The following CCDC7 variants were observed in gnomAD, a reference collection of about 807,000 sequenced individuals.
The protein encoded by CCDC7 is coiled-coil domain containing 7.
Under a neutral mutation model 196.9 loss-of-function variants are expected in CCDC7, and 183 were observed. That is an observed-to-expected ratio of 0.93 (90% CI 0.82 to 1.05). The LOEUF (loss-of-function observed/expected upper bound fraction) is 1.05. Ranked by LOEUF, CCDC7 falls within the 50% of genes least tolerant of loss-of-function variation. The pLI is 0.00. For synonymous variants in CCDC7, 525 were observed against 484.6 expected (o/e 1.08, Z -1.10); for missense variants, 1,540 against 1,482.2 (o/e 1.04, Z -0.64).
At chr10:32,753,957 G>A (rs974719257) in intron 28 of CCDC7, among the ~76,000 whole-genome samples, 21 of 151,614 alleles carry the variant, frequency 1.4e-4, no homozygotes, top group African/African-American at 4.6e-4. Flanking sequence ...TTTTTTTAAC[G>A]TGTTGGAGAA....
chr10:32,802,839 G>A (rs2085077323), intron 29 of CCDC7, among the ~76,000 whole-genome samples: 1 of 152,192 alleles, frequency 6.6e-6, no homozygotes, highest in Non-Finnish European at 1.5e-5. Context: ...TGTAGGCTAG[G>A]AGACTAAGCC....
intron 18 of CCDC7, among the ~76,000 whole-genome samples, chr10:32,593,087 T>C (rs1564761881): frequency 6.6e-6 from 1 of 152,232 alleles, no homozygotes; most frequent in Non-Finnish European, 1.5e-5. Flanking sequence ...CTGGATCAAA[T>C]GGTATTTCTA....
chr10:32,478,546 A>G (rs915411306), intron 8 of CCDC7, among the ~76,000 whole-genome samples: 2 of 152,088 alleles, frequency 1.3e-5, no homozygotes, highest in Non-Finnish European at 2.9e-5. Context: ...TTTGTCAAAT[A>G]CGTTTTCTGC....
intron 8 of CCDC7, among the ~76,000 whole-genome samples, chr10:32,487,693 T>C (rs2041405048): frequency 6.6e-6 from 1 of 152,246 alleles, no homozygotes; most frequent in South Asian, 2.1e-4. Flanking sequence ...TTGTTAATTT[T>C]CCTTCCAACA....
chr10:32,816,019 G>A (rs1048795329), intron 31 of CCDC7, among the ~76,000 whole-genome samples: 1 of 152,206 alleles, frequency 6.6e-6, no homozygotes, highest in African/African-American at 2.4e-5. Flanking sequence ...CACCAAGTGT[G>A]AGCTGAAGCA....
intron 15 of CCDC7, among the ~76,000 whole-genome samples, chr10:32,570,471 T>G (rs1590026648): frequency 6.6e-6 from 1 of 152,334 alleles, no homozygotes; most frequent in East Asian, 1.9e-4. Context: ...AGACACAAAA[T>G]GTATGATGGC....
chr10:32,734,360 A>T (rs1411610918), intron 28 of CCDC7, among the ~76,000 whole-genome samples: 1 of 152,204 alleles, frequency 6.6e-6, no homozygotes. Context: ...CAAATACTGC[A>T]TGTTCTCACT....
chr10:32,686,269 C>T (rs935485163), intron 22 of CCDC7, among the ~76,000 whole-genome samples, 189 bp downstream of exon 23: 7 of 152,132 alleles, frequency 4.6e-5, no homozygotes, highest in African/African-American at 7.2e-5. Flanking sequence ...CTTGTTGTAA[C>T]GGTATTTTGT....
At chr10:32,634,316 C>A in exon 19 of CCDC7, 1 of 1,212,228 alleles carries the variant, frequency 8.2e-7, no homozygotes, top group Non-Finnish European at 1.0e-6. Flanking sequence ...AACAAAAGTC[C>A]AAATAGAACA....
chr10:32,660,642 G>A (rs1247006440), intron 20 of CCDC7, among the ~76,000 whole-genome samples: 1 of 151,722 alleles, frequency 6.6e-6, no homozygotes, highest in East Asian at 1.9e-4. Flanking sequence ...TATATACCCA[G>A]TAATGGGATG....
chr10:32,836,662 T>A (rs2092627265), intron 33 of CCDC7, among the ~76,000 whole-genome samples: 1 of 152,198 alleles, frequency 6.6e-6, no homozygotes, highest in Non-Finnish European at 1.5e-5. Flanking sequence ...CATGTGTCTT[T>A]TGGCTGCATA....
chr10:32,472,508 G>T, exon 7 of CCDC7: 1 of 1,588,610 alleles, frequency 6.3e-7, no homozygotes, highest in Non-Finnish European at 8.6e-7. Flanking sequence ...CAGAAGCAGT[G>T]AAAAGTTGTG....
intron 20 of CCDC7, among the ~76,000 whole-genome samples, chr10:32,655,023 A>G (rs1476377659): frequency 6.6e-6 from 1 of 152,194 alleles, no homozygotes; most frequent in African/African-American, 2.4e-5. Flanking sequence ...TGGACAAGGA[A>G]AGCTCTAAGT....
chr10:32,816,318 T>C (rs528762438), intron 31 of CCDC7, among the ~76,000 whole-genome samples: 1 of 151,962 alleles, frequency 6.6e-6, no homozygotes, highest in Non-Finnish European at 1.5e-5. Flanking sequence ...GAGGCTTGAG[T>C]AGGTAAACAA....
intron 18 of CCDC7, among the ~76,000 whole-genome samples, chr10:32,615,939 C>T (rs1217393684): frequency 6.6e-6 from 1 of 152,048 alleles, no homozygotes; most frequent in African/African-American, 2.4e-5. Context: ...ATCTTTTCCT[C>T]AGTGTAAATT....
chr10:32,759,041 G>A (rs954522875), intron 28 of CCDC7, among the ~76,000 whole-genome samples: 6 of 152,162 alleles, frequency 3.9e-5, no homozygotes, highest in East Asian at 1.9e-4. Context: ...TACAAGGGAT[G>A]TGAAGGACCT....
intron 24 of CCDC7, among the ~76,000 whole-genome samples, chr10:32,698,785 A>C (rs1055108901): frequency 6.6e-6 from 1 of 152,230 alleles, no homozygotes; most frequent in African/African-American, 2.4e-5. Flanking sequence ...ACTATTCAGG[A>C]TATTATGAAG....
intron 8 of CCDC7, among the ~76,000 whole-genome samples, chr10:32,477,382 T>C (rs2039186320): frequency 6.6e-6 from 1 of 152,090 alleles, no homozygotes; most frequent in African/African-American, 2.4e-5. Flanking sequence ...TTTGCATTTT[T>C]AGTAGAGATG....
chr10:32,657,506 G>T, intron 20 of CCDC7, among the ~76,000 whole-genome samples: 1 of 152,336 alleles, frequency 6.6e-6, no homozygotes, highest in South Asian at 2.1e-4. Flanking sequence ...CTGAAGCAAT[G>T]GTCTGAGCTG....
Sources: gnomAD v4.1 joint callset for allele counts (sites outside exome capture counted in the v4.1 genomes callset) on GRCh38, gnomAD v4.1.1 for gene constraint, MANE v1.5 for transcripts, NCBI Gene and HGNC (gene_info 2026-07-23, HGNC 2026-07-21) for gene names.